Variants in ANKLE2 observed in about 807,000 individuals in gnomAD.
ANKLE2 encodes the protein ankyrin repeat and LEM domain containing 2.
A neutral mutation model predicts 84.2 loss-of-function variants in ANKLE2; 55 were observed. The ratio of observed to expected loss-of-function variants is 0.65; its 90% CI spans 0.53 to 0.82. The LOEUF (loss-of-function observed/expected upper bound fraction) is 0.82. ANKLE2 is among the 40% of genes least tolerant of loss of function. The pLI is 0.00. For missense variants in ANKLE2, 1,238 were observed against 1,201.9 expected, an observed-to-expected ratio of 1.03 and a Z score of -0.44; for synonymous variants, 551 against 486.1, an observed-to-expected ratio of 1.13 and a Z score of -1.76.
At chr12:132,741,383 G>A (rs375606476) in intron 7 of ANKLE2, 36 bp downstream of exon 7, 1 of 1,608,402 alleles carries the variant, frequency 6.2e-7, no homozygotes, top group Non-Finnish European at 8.5e-7. Flanking sequence ...TTCCCGGCGT[G>A]GACCCCACGA....
Position 132,759,190 on chromosome 12 carries a change from TGGC to T in ANKLE2, c.181+2425_181+2427del, listed in dbSNP as rs2044558783. The T allele has an allele frequency of 3.0e-5, 2 of 65,984 alleles. 1 individual carries two copies. 4.1% of individuals were successfully genotyped at this position (65,984 alleles called of 1,614,324 possible). A position where few individuals can be genotyped will look rare whatever the true frequency, so the allele number is the denominator to read the frequency against. On this transcript the variant is annotated intron_variant, in intron 1 of 12. Coordinates refer to ENST00000357997, the MANE Select transcript of ANKLE2 (RefSeq NM_015114.3). The stretch of plus-strand genomic sequence containing the variant: ...GGAGTGGCACCCCGGGGCACCCACG[TGGC>T]AGAGTGGATCATGCAGAGTGGCACC...
At chr12:132,734,770 A>T in intron 9 of ANKLE2, 195 bp from the exon 10 acceptor site, 1 of 585,710 alleles carries the variant, frequency 1.7e-6, no homozygotes, top group Non-Finnish European at 2.9e-6. Context: ...ACAGGTAAGC[A>T]GGACCCGGCA....
In ANKLE2 at chr12:132,743,248, C is replaced by T. The variant is rs1439240796; in HGVS notation, c.1259G>A (p.Cys420Tyr). 2 of 1,611,108 alleles carry T rather than the reference C, an allele frequency of 1.2e-6. No homozygotes were observed. Among genetic ancestry groups the T allele is most frequent in the Non-Finnish European group, 1.7e-6 (2 of 1,178,606 alleles). Residue 420 changes from cysteine (C) to tyrosine (Y), a missense_variant, in exon 6 of 13, where the codon TGT becomes TAT. Around this residue, in one of 3 missense-constraint regions of ANKLE2, gnomAD observed 802 missense variants for 774.5 expected, o/e 1.04. Transcript: ENST00000357997. The surrounding 1 kb of genome is among the most constrained non-coding windows in gnomAD (Gnocchi z 4.1). ...GACTACATCTGCATTTCCAAACTTA[C>T]AAGCAAAATGCAACGGTGTGTCATA... is the stretch of plus-strand genomic sequence containing the variant. ...MGYDTPLHFA[C>Y]KFGNADVVNV... is the part of the protein sequence containing the mutation.
At chr12:132,728,529 AATATCACTAC>A (rs2043757368) in intron 11 of ANKLE2, among the ~76,000 whole-genome samples, 2 of 152,142 alleles carry the variant, frequency 1.3e-5, no homozygotes, top group Non-Finnish European at 2.9e-5. Flanking sequence ...CACCCAGACA[AATATCACTAC>A]ATTTTAAACT....
At chr12:132,754,040 A>T (rs1295730868) in intron 2 of ANKLE2, among the ~76,000 whole-genome samples, 1 of 152,196 alleles carries the variant, frequency 6.6e-6, no homozygotes, top group Non-Finnish European at 1.5e-5. Context: ...CAGGAGTTCA[A>T]GACCAGCCTG....
In ANKLE2 at chr12:132,725,738, G is replaced by A. The variant is rs1022017371; in HGVS notation, c.*1504C>T. 1 of 152,218 alleles carries A rather than the reference G, an allele frequency of 6.6e-6. No individual in the cohort carries two copies. Among genetic ancestry groups the A allele is most frequent in the Non-Finnish European group, 1.5e-5 (1 of 68,040 alleles). 9.4% of individuals were successfully genotyped at this position (152,218 alleles called of 1,614,324 possible). A position where few individuals can be genotyped will look rare whatever the true frequency, so the allele number is the denominator to read the frequency against. On this transcript the variant is annotated 3_prime_UTR_variant, in exon 13 of 13. Transcript: ENST00000357997. The stretch of plus-strand genomic sequence containing the variant: ...ACAGACAATATGGTAAGATTTTAGA[G>A]AAAACAGATCATCACTACGAATATC...
intron 10 of ANKLE2, chr12:132,731,016 T>G (rs1173675926): frequency 6.6e-6 from 1 of 152,100 alleles, no homozygotes; most frequent in Non-Finnish European, 1.5e-5. Flanking sequence ...AACAACTCCA[T>G]GAAGTAACCC....
rs536679565 is a variant in ANKLE2, at chr12:132,747,377, C to T, written c.1230+455G>A. Reference sequence around the variant, plus strand: ...GCCTCTCTCTCTCTCCACAGCCCTGCGTGTCAGGCAGCCTCTCTCTCTCTC... The same window carrying T: ...GCCTCTCTCTCTCTCCACAGCCCTGTGTGTCAGGCAGCCTCTCTCTCTCTC... On this transcript the variant is annotated intron_variant, in intron 5 of 12. Coordinates refer to ENST00000357997, the MANE Select transcript of ANKLE2 (RefSeq NM_015114.3). 1.5e-4 allele frequency among the ~76,000 whole-genome samples: 22 copies of T among 150,380 alleles called. No individual in the cohort carries two copies. The East Asian group carries it at 3.5e-3, about 24-fold the overall frequency.
chr12:132,753,214 G>A (rs2044397517), intron 2 of ANKLE2, among the ~76,000 whole-genome samples: 1 of 152,116 alleles, frequency 6.6e-6, no homozygotes, highest in African/African-American at 2.4e-5. Flanking sequence ...AAGCTACTCC[G>A]GAGGCTGAGG....
chr12:132,748,017 C>A lies in ANKLE2; in HGVS notation c.1045G>T (p.Gly349Trp). The A allele has an allele frequency of 6.3e-7, 1 of 1,597,654 alleles. No individual in the cohort carries two copies. Among genetic ancestry groups the A allele is most frequent in the South Asian group, 1.1e-5 (1 of 89,782 alleles). ...ACATGCATCACGTTGTACCTGCACC[C>A]TTCCTGAAAGAGAACCGCATGCTCT... ...SGDNPTIVQEGCRYNVMHVAA... is the reference protein window; with the variant it reads ...SGDNPTIVQEWCRYNVMHVAA... The change falls in exon 5 of 13, where the codon GGG becomes TGG. Residue 349 changes from glycine to tryptophan, a missense_variant. Coordinates refer to ENST00000357997, the MANE Select transcript of ANKLE2 (RefSeq NM_015114.3).
rs2044283940 is a variant in ANKLE2 at position 132,748,340 on chromosome 12, A to G, written c.848-9T>C. ...CGACAAGCACAAACCATCTGTCAGTAAGAGACAGAATTTAAGAACAATCAG... is the reference window on the plus strand; with the variant it reads ...CGACAAGCACAAACCATCTGTCAGTGAGAGACAGAATTTAAGAACAATCAG... On this transcript the variant is annotated splice_polypyrimidine_tract_variant and intron_variant, in intron 3 of 12. Coordinates refer to ENST00000357997, the MANE Select transcript of ANKLE2 (RefSeq NM_015114.3). 1 of 1,613,756 alleles carries G rather than the reference A, an allele frequency of 6.2e-7. No homozygotes were observed. The highest frequency in any genetic ancestry group is 1.1e-5 in the South Asian group (1 of 90,864).
chr12:132,753,035 C>T (rs1348844088), intron 2 of ANKLE2, among the ~76,000 whole-genome samples: 2 of 151,396 alleles, frequency 1.3e-5, no homozygotes, highest in East Asian at 1.9e-4. Context: ...TGTGGCCAGG[C>T]GAGGTGGCTC....
Position 132,743,283 on chromosome 12 carries a change from A to T in ANKLE2, c.1231-7T>A. The T allele has an allele frequency of 1.3e-6, 2 of 1,598,116 alleles. No individual in the cohort carries two copies. Among genetic ancestry groups the T allele is most frequent in the Non-Finnish European group, 1.7e-6 (2 of 1,171,330 alleles). ...GCAACGGTGTGTCATAGCCCTGAAA[A>T]AAGGTGCAGAGGAAGTACAATTATT... On this transcript the variant is annotated splice_region_variant and splice_polypyrimidine_tract_variant and intron_variant, in intron 5 of 12. Coordinates refer to ENST00000357997, the MANE Select transcript of ANKLE2 (RefSeq NM_015114.3). The surrounding 1 kb of genome is among the most constrained non-coding windows in gnomAD (Gnocchi z 4.1).
chr12:132,754,258 A>C (rs760606083), intron 2 of ANKLE2, among the ~76,000 whole-genome samples: 2 of 152,180 alleles, frequency 1.3e-5, no homozygotes, highest in Non-Finnish European at 2.9e-5. Flanking sequence ...TAAATAAATA[A>C]ATAAAAACAA....
Position 132,726,921 on chromosome 12 carries a change from T to C in ANKLE2, c.*321A>G, listed in dbSNP as rs899175162. 18 of 345,574 alleles carry C rather than the reference T, an allele frequency of 5.2e-5. No individual in the cohort carries two copies. In the East Asian group the frequency reaches 7.3e-4, roughly 14 times the overall value. 21.4% of individuals were successfully genotyped at this position (345,574 alleles called of 1,614,324 possible). A position where few individuals can be genotyped will look rare whatever the true frequency, so the allele number is the denominator to read the frequency against. On this transcript the variant is annotated 3_prime_UTR_variant, in exon 13 of 13. Transcript: ENST00000357997. ...GGTGAGTACAGGGTAAGTACAGGGC[T>C]GCCTGCCTGCAACTGCCTCAGCGCC...
intron 10 of ANKLE2, chr12:132,732,197 C>T (rs1300591395): frequency 2.9e-5 from 4 of 137,700 alleles, no homozygotes; most frequent in African/African-American, 8.8e-5. Flanking sequence ...AAGCGCTCTG[C>T]GTCCTGGTGT....
intron 9 of ANKLE2, 181 bp from the exon 10 acceptor site, chr12:132,734,756 C>T (rs950433528): frequency 1.6e-5 from 10 of 617,222 alleles, no homozygotes; most frequent in African/African-American, 3.8e-5. Context: ...CAGCACGCCT[C>T]CTCACAGGTA....
At chr12:132,761,436 A>T in intron 1 of ANKLE2, 182 bp downstream of exon 1, 1 of 470,976 alleles carries the variant, frequency 2.1e-6, no homozygotes, top group Non-Finnish European at 3.3e-6. Flanking sequence ...CCGGGAAGCC[A>T]AGTCCCCGCA....
Position 132,747,849 on chromosome 12 carries a change from T to C in ANKLE2, c.1213A>G (p.Asn405Asp). ...GCACGCACCATCTTGTCGGGGGTGT[T>C]GAGGTACAGGTCCACCACGTAACGG... The part of the protein sequence containing the change: ...RIRYVVDLYL[N>D]TPDKMGYDTP... The change falls in exon 5 of 13, where the codon AAC becomes GAC. Residue 405 changes from asparagine (N) to aspartate (D), a missense_variant. Around this residue, in one of 3 missense-constraint regions of ANKLE2, gnomAD observed 802 missense variants for 774.5 expected, o/e 1.04. Coordinates refer to ENST00000357997, the MANE Select transcript of ANKLE2 (RefSeq NM_015114.3). The C allele has an allele frequency of 1.2e-6, 2 of 1,604,666 alleles. No individual in the cohort carries two copies. The highest frequency in any genetic ancestry group is 2.2e-5 in the East Asian group (1 of 44,802).
Sources: gnomAD v4.1 joint callset for allele counts (sites outside exome capture counted in the v4.1 genomes callset) on GRCh38, gnomAD v4.1.1 for gene constraint, gnomAD v4.1.1 regional missense constraint, Gnocchi (gnomAD v3.1) non-coding constraint, MANE v1.5 for transcripts, NCBI Gene and HGNC (gene_info 2026-07-23, HGNC 2026-07-21) for gene names.